Variants in DPP6 observed in about 807,000 individuals in gnomAD.
DPP6 encodes the protein A-type potassium channel modulatory protein DPP6.
A neutral mutation model predicts 122.6 loss-of-function variants in DPP6; 69 were observed. The ratio of observed to expected loss-of-function variants is 0.56; its 90% confidence interval spans 0.46 to 0.69. The LOEUF is 0.69. Ranked by LOEUF, DPP6 falls within the 30% of genes least tolerant of loss-of-function variation. The pLI is 0.00. For synonymous variants in DPP6, 418 were observed against 433.1 expected (o/e 0.97, Z 0.43); for missense variants, 928 against 1,116.9 (o/e 0.83, Z 2.41).
At chr7:153,773,923 A>G in the DPP6 span, among the ~76,000 whole-genome samples, 24 of 151,916 alleles carry the variant, frequency 1.6e-4, no homozygotes, top group Non-Finnish European at 2.8e-4. Flanking sequence ...AAAGCTGGTA[A>G]TTTTTAAAGA....
chr7:153,875,815 G>A, the DPP6 span, among the ~76,000 whole-genome samples: 2 of 151,304 alleles, frequency 1.3e-5, no homozygotes, highest in South Asian at 4.2e-4. Context: ...GTCAGTGATT[G>A]CATTAATGCA....
At chr7:154,753,631 C>G (rs1434908969) in intron 8 of DPP6, among the ~76,000 whole-genome samples, 1 of 152,176 alleles carries the variant, frequency 6.6e-6, no homozygotes, top group African/African-American at 2.4e-5. Flanking sequence ...CCCTCATTCT[C>G]TTTAGTATCA....
At chr7:154,002,734 A>G (rs1447227129) in intron 1 of DPP6, among the ~76,000 whole-genome samples, 2 of 152,180 alleles carry the variant, frequency 1.3e-5, no homozygotes, top group East Asian at 3.9e-4. Flanking sequence ...GGGAGGGGCC[A>G]TGTCATATGT....
chr7:154,290,359 C>T (rs573092815), intron 1 of DPP6, among the ~76,000 whole-genome samples: 3 of 152,288 alleles, frequency 2.0e-5, no homozygotes, highest in African/African-American at 2.4e-5. Context: ...ACTGGTATCT[C>T]GGCCCCAGTC....
chr7:154,576,308 A>G (rs1238669615), intron 5 of DPP6, among the ~76,000 whole-genome samples: 1 of 152,048 alleles, frequency 6.6e-6, no homozygotes, highest in Non-Finnish European at 1.5e-5. Flanking sequence ...GCCCGAGGCC[A>G]CGAGACCTGA....
At chr7:154,845,153 C>T (rs1432646717) in intron 16 of DPP6, among the ~76,000 whole-genome samples, 1 of 152,156 alleles carries the variant, frequency 6.6e-6, no homozygotes, top group African/African-American at 2.4e-5. Flanking sequence ...TTAATCTGTT[C>T]GTCAAACATT....
At chr7:153,904,502 A>AGG (rs1312421110) in intron 1 of DPP6, among the ~76,000 whole-genome samples, 1 of 152,184 alleles carries the variant, frequency 6.6e-6, no homozygotes, top group Admixed American at 6.5e-5. Flanking sequence ...AAAAGGCTTG[A>AGG]GGGGGAGGGC....
At chr7:154,102,887 GA>G (rs754320818) in intron 1 of DPP6, among the ~76,000 whole-genome samples, 1 of 152,108 alleles carries the variant, frequency 6.6e-6, no homozygotes, top group Non-Finnish European at 1.5e-5. Context: ...GGATTTTATG[GA>G]ATACTAATCA....
intron 1 of DPP6, among the ~76,000 whole-genome samples, chr7:153,988,724 G>A (rs1221038494): frequency 2.0e-5 from 3 of 152,246 alleles, no homozygotes; most frequent in Non-Finnish European, 4.4e-5. Flanking sequence ...GCTTCTCAGC[G>A]TGGATAGGAA....
chr7:153,975,014 C>T (rs1796221333), intron 1 of DPP6, among the ~76,000 whole-genome samples: 2 of 152,194 alleles, frequency 1.3e-5, no homozygotes, highest in Non-Finnish European at 2.9e-5. Flanking sequence ...AATCCTGTTT[C>T]AGGGAATCCA....
chr7:153,847,953 C>G, the DPP6 span, among the ~76,000 whole-genome samples: 1 of 152,208 alleles, frequency 6.6e-6, no homozygotes, highest in South Asian at 2.1e-4. Context: ...GCCAACAGGC[C>G]TGTGGTTTTC....
intron 1 of DPP6, among the ~76,000 whole-genome samples, chr7:154,088,920 G>A (rs140473820): frequency 0.01 from 1,593 of 152,232 alleles, 40 homozygotes; most frequent in African/African-American, 0.036. Flanking sequence ...AGATGAACTG[G>A]AGCCACATGT....
rs1563460215 is a variant in DPP6, at chr7:154,313,707, A to ACG, written c.244-132507_244-132506insCG. On this transcript the variant is annotated intron_variant, in intron 1 of 25. Coordinates refer to ENST00000377770, the MANE Select transcript of DPP6 (RefSeq NM_130797.4). ...ATGGTATATATATATATATATATATATATATATACACACACACGCACGCAC... is the reference window on the plus strand; with the variant it reads ...ATGGTATATATATATATATATATATACGTATATATACACACACACGCACGCAC... Among the ~76,000 whole-genome samples, 167 of 30,814 alleles carry ACG rather than the reference A, an allele frequency of 5.4e-3. 35 individuals are homozygous for ACG. The highest frequency in any genetic ancestry group is 0.022 in the African/African-American group (161 of 7,320). 20.2% of individuals were successfully genotyped at this position (30,814 alleles called of 152,430 possible). A position where few individuals can be genotyped will look rare whatever the true frequency, so the allele number is the denominator to read the frequency against.
chr7:154,614,494 G>A (rs960929154), intron 5 of DPP6, among the ~76,000 whole-genome samples: 1 of 152,160 alleles, frequency 6.6e-6, no homozygotes, highest in East Asian at 1.9e-4. Flanking sequence ...AGTACTGTGT[G>A]TGGTTGTTCT....
At chr7:154,150,982 C>T (rs936002888) in intron 1 of DPP6, among the ~76,000 whole-genome samples, 8 of 152,020 alleles carry the variant, frequency 5.3e-5, no homozygotes, top group East Asian at 3.9e-4. Context: ...TGCTTCCTGC[C>T]GGGACTCCGT....
At chr7:154,126,042 C>A (rs1208504810) in intron 1 of DPP6, among the ~76,000 whole-genome samples, 1 of 152,164 alleles carries the variant, frequency 6.6e-6, no homozygotes, top group African/African-American at 2.4e-5. Flanking sequence ...TACGTGCTCA[C>A]TGTAAGAAGT....
rs1831679362 is a variant in DPP6 at position 154,576,462 on chromosome 7, C to T, written c.627+9546C>T. Among the ~76,000 whole-genome samples, 5 of 152,154 alleles carry T rather than the reference C, an allele frequency of 3.3e-5. No homozygotes were observed. The South Asian group carries it at 1.0e-3, about 32-fold the overall frequency. On this transcript the variant is annotated intron_variant, in intron 5 of 25. Coordinates refer to ENST00000377770, the MANE Select transcript of DPP6 (RefSeq NM_130797.4). ...ACATTCAGACCTATAGGGAAACACA[C>T]ATGCCTTTTGTAGTAGAAAGGGAGG...
At chr7:154,698,240 A>G (rs1411882658) in intron 7 of DPP6, among the ~76,000 whole-genome samples, 1 of 152,216 alleles carries the variant, frequency 6.6e-6, no homozygotes. Flanking sequence ...ATAGTATTTC[A>G]TTGAGTCGAT....
At chr7:154,275,037 G>A (rs1804038119) in intron 1 of DPP6, among the ~76,000 whole-genome samples, 1 of 152,234 alleles carries the variant, frequency 6.6e-6, no homozygotes, top group Non-Finnish European at 1.5e-5. Context: ...ACCTGCTGCA[G>A]GTGCACTGTC....
Sources: gnomAD v4.1 joint callset for allele counts (sites outside exome capture counted in the v4.1 genomes callset) on GRCh38, gnomAD v4.1.1 for gene constraint, MANE v1.5 for transcripts, NCBI Gene and HGNC (gene_info 2026-07-23, HGNC 2026-07-21) for gene names.